CCDC150: variants seen among roughly 807,000 people sequenced by gnomAD.
CCDC150 encodes coiled-coil domain containing 150.
Under a neutral mutation model 156.5 loss-of-function variants are expected in CCDC150, and 151 were observed. The ratio of observed to expected loss-of-function variants is 0.97; its 90% CI spans 0.85 to 1.10. The LOEUF (loss-of-function observed/expected upper bound fraction) is 1.10. CCDC150 is among the 50% of genes least tolerant of loss of function. CCDC150 has a pLI of 0.00. For missense variants in CCDC150, 1,312 were observed against 1,268.1 expected, an observed-to-expected ratio of 1.03 and a Z score of -0.53; for synonymous variants, 452 against 429.4, an observed-to-expected ratio of 1.05 and a Z score of -0.65.
At chr2:196,692,838 A>G (rs1681454590) in intron 13 of CCDC150, among the ~76,000 whole-genome samples, 1 of 152,122 alleles carries the variant, frequency 6.6e-6, no homozygotes, top group African/African-American at 2.4e-5. Flanking sequence ...TGTCACTTCC[A>G]TTTGATCTAG....
At chr2:196,714,378 A>G (rs982417570) in intron 17 of CCDC150, among the ~76,000 whole-genome samples, 2 of 152,144 alleles carry the variant, frequency 1.3e-5, no homozygotes, top group Non-Finnish European at 2.9e-5. Context: ...TTGATGCCCT[A>G]TGCTGATGAA....
chr2:196,646,305 G>A, intron 1 of CCDC150, 36 bp from the exon 2 acceptor site: 3 of 1,599,208 alleles, frequency 1.9e-6, no homozygotes, highest in East Asian at 2.2e-5. Context: ...AACAATAATA[G>A]GACCTACCAC....
chr2:196,712,159 G>T lies in CCDC150; in HGVS notation c.1710G>T (p.Gln570His). The T allele has an allele frequency of 6.5e-7, 1 of 1,546,302 alleles. No individual in the cohort carries two copies. ...ENGKLQIKVK[Q>H]LEEQVQSFTD... is the part of the protein sequence containing the mutation. ...TTTTCCTCTAGATAAAAGTTAAACA[G>T]CTAGAAGAACAAGTACAGTCTTTTA... The change falls in exon 16 of 28, where the codon CAG becomes CAT. Residue 570 changes from glutamine (Q) to histidine (H), a missense_variant. Coordinates refer to ENST00000389175, the MANE Select transcript of CCDC150 (RefSeq NM_001080539.2).
chr2:196,655,023 C>G (rs1475101838), intron 2 of CCDC150, among the ~76,000 whole-genome samples: 1 of 152,224 alleles, frequency 6.6e-6, no homozygotes. Flanking sequence ...GCCACGCTCT[C>G]TAGATGCAGC....
intron 15 of CCDC150, among the ~76,000 whole-genome samples, chr2:196,709,881 GT>G (rs933371484): frequency 1.3e-5 from 2 of 152,190 alleles, no homozygotes; most frequent in Non-Finnish European, 2.9e-5. Flanking sequence ...TCCTCTGGAA[GT>G]TTTGTCCTGG....
rs866322960 is a variant in CCDC150 at position 196,666,837 on chromosome 2, A to C, written c.881A>C (p.Lys294Thr). Residue 294 changes from lysine to threonine, a missense_variant, in exon 7 of 28, where the codon AAA becomes ACA. By Grantham distance (78) the Lys-to-Thr change is moderately conservative. Coordinates refer to ENST00000389175, the MANE Select transcript of CCDC150 (RefSeq NM_001080539.2). ...TTGGAGATTGCTACTTCACAGCTCA[A>C]ATCTGATCTAAGTATGAAAATAGAT... ...EELEIATSQLKSDLTSRDDLI... is the reference protein window; with the variant it reads ...EELEIATSQLTSDLTSRDDLI... The C allele has an allele frequency of 2.2e-5, 36 of 1,613,644 alleles. 1 individual carries two copies. The East Asian group carries it at 7.8e-4, about 35-fold the overall frequency.
intron 13 of CCDC150, among the ~76,000 whole-genome samples, chr2:196,685,944 T>A (rs928282043): frequency 2.0e-5 from 3 of 152,136 alleles, no homozygotes; most frequent in Non-Finnish European, 4.4e-5. Context: ...GCATTTTGAA[T>A]ATGTCATCCC....
At chr2:196,696,719 G>T (rs893608046) in intron 14 of CCDC150, among the ~76,000 whole-genome samples, 1 of 152,206 alleles carries the variant, frequency 6.6e-6, no homozygotes, top group Admixed American at 6.5e-5. Flanking sequence ...ATGAGCTAGG[G>T]ATTTCAGGAT....
intron 13 of CCDC150, among the ~76,000 whole-genome samples, chr2:196,678,145 T>G (rs1002610858): frequency 2.0e-5 from 3 of 152,186 alleles, no homozygotes; most frequent in Non-Finnish European, 4.4e-5. Flanking sequence ...AACCAATCTT[T>G]AAAACATTGC....
chr2:196,672,937 A>G (rs1694291275), intron 9 of CCDC150, among the ~76,000 whole-genome samples: 1 of 152,200 alleles, frequency 6.6e-6, no homozygotes, highest in Non-Finnish European at 1.5e-5. Flanking sequence ...AAAAGTCACC[A>G]GATATGCAGT....
At chr2:196,731,989 A>T in intron 26 of CCDC150, 44 bp from the exon 27 acceptor site, 2 of 1,582,800 alleles carry the variant, frequency 1.3e-6, no homozygotes, top group South Asian at 1.2e-5. Flanking sequence ...AAAAACTTGT[A>T]ACTCTTTCTT....
chr2:196,682,344 A>G (rs1393429282), intron 13 of CCDC150, among the ~76,000 whole-genome samples: 1 of 152,000 alleles, frequency 6.6e-6, no homozygotes, highest in African/African-American at 2.4e-5. Context: ...AATACCACAC[A>G]GTCTTGATTA....
At chr2:196,644,013 A>G (rs1020826938) in intron 1 of CCDC150, among the ~76,000 whole-genome samples, 1 of 152,046 alleles carries the variant, frequency 6.6e-6, no homozygotes, top group African/African-American at 2.4e-5. Context: ...CTTCGTTTAT[A>G]TTTGAGAGTG....
chr2:196,681,660 A>G (rs1315245088), intron 13 of CCDC150, among the ~76,000 whole-genome samples: 2 of 152,112 alleles, frequency 1.3e-5, no homozygotes, highest in African/African-American at 4.8e-5. Flanking sequence ...TAGCCATCCT[A>G]ATGGGTGTGA....
intron 16 of CCDC150, 173 bp downstream of exon 16, chr2:196,712,425 G>T: frequency 1.8e-6 from 1 of 563,300 alleles, no homozygotes; most frequent in East Asian, 2.8e-5. Context: ...TTCTGCTAAA[G>T]CCTCAGAAAT....
Position 196,729,873 on chromosome 2 carries a change from C to T in CCDC150, c.2820+12C>T, listed in dbSNP as rs368749676. On this transcript the variant is annotated intron_variant, in intron 24 of 27. Coordinates refer to ENST00000389175, the MANE Select transcript of CCDC150 (RefSeq NM_001080539.2). ...AGAACTATGAACAGGTAGATGATTT[C>T]CATATACTCTGTGTTTACCTTTCAT... 7.5e-6 allele frequency: 12 copies of T among 1,600,932 alleles called. No individual in the cohort carries two copies. The highest frequency in any genetic ancestry group is 1.0e-5 in the Non-Finnish European group (12 of 1,171,566).
At chr2:196,685,610 C>CT (rs1485653935) in intron 13 of CCDC150, among the ~76,000 whole-genome samples, 1 of 149,994 alleles carries the variant, frequency 6.7e-6, no homozygotes, top group Non-Finnish European at 1.5e-5. Context: ...TTTTCTTTTT[C>CT]TTTTCTTTTT....
intron 5 of CCDC150, among the ~76,000 whole-genome samples, chr2:196,660,995 A>G (rs1411899689): frequency 2.0e-5 from 3 of 152,202 alleles, no homozygotes; most frequent in Non-Finnish European, 4.4e-5. Context: ...CTGTATCCAG[A>G]TGAATTTCTT....
chr2:196,657,387 G>A, intron 4 of CCDC150: 1 of 405,574 alleles, frequency 2.5e-6, no homozygotes, highest in South Asian at 2.8e-5. Context: ...TGGGTCCAGA[G>A]GTATGAGATA....
Sources: gnomAD v4.1 joint callset for allele counts (sites outside exome capture counted in the v4.1 genomes callset) on GRCh38, gnomAD v4.1.1 for gene constraint, MANE v1.5 for transcripts, NCBI Gene and HGNC (gene_info 2026-07-23, HGNC 2026-07-21) for gene names.